Variants in SLC7A6 observed in about 807,000 individuals in gnomAD.
SLC7A6 encodes the protein solute carrier family 7 member 6.
SLC7A6 carries 29 observed loss-of-function variants against 46.6 expected under a neutral mutation model. The ratio of observed to expected loss-of-function variants is 0.62; its 90% CI spans 0.46 to 0.85. The LOEUF is 0.85. SLC7A6 is among the 40% of genes least tolerant of loss of function. The pLI is 0.00. For missense variants in SLC7A6, 527 were observed against 647.6 expected, an observed-to-expected ratio of 0.81 and a Z score of 2.02; for synonymous variants, 276 against 257.3, an observed-to-expected ratio of 1.07 and a Z score of -0.70.
chr16:68,290,968 C>G (rs1477466459), intron 5 of SLC7A6: 15 of 536,894 alleles, frequency 2.8e-5, no homozygotes, highest in Non-Finnish European at 5.0e-5. Flanking sequence ...TTATGAAACC[C>G]AGTAGGACCC....
chr16:68,281,523 T>C (rs1285287075), intron 3 of SLC7A6, among the ~76,000 whole-genome samples: 1 of 152,220 alleles, frequency 6.6e-6, no homozygotes, highest in African/African-American at 2.4e-5. Context: ...TCTGTTCATA[T>C]GTGTTCTGGG....
intron 5 of SLC7A6, chr16:68,290,755 T>TAGGGCCTTCCTAGAGGAG: frequency 1.7e-6 from 1 of 591,288 alleles, no homozygotes; most frequent in South Asian, 2.0e-5. Flanking sequence ...CACTGGAGGA[T>TAGGGCCTTCCTAGAGGAG]AGGGCCTTCC....
intron 7 of SLC7A6, chr16:68,292,252 C>T (rs1394990376): frequency 6.5e-6 from 1 of 152,980 alleles, no homozygotes; most frequent in Non-Finnish European, 1.5e-5. Flanking sequence ...CTCCTGATCT[C>T]CTCTGTGCAG....
At chr16:68,277,456 C>T (rs891887927) in intron 3 of SLC7A6, among the ~76,000 whole-genome samples, 2 of 151,000 alleles carry the variant, frequency 1.3e-5, no homozygotes, top group Non-Finnish European at 3.0e-5. Context: ...CTACAGTAGG[C>T]GCCCGCCACC....
chr16:68,299,408 G>T lies in SLC7A6; in HGVS notation c.*2080G>T, dbSNP rs573615088. On this transcript the variant is annotated 3_prime_UTR_variant, in exon 11 of 11. Coordinates refer to ENST00000219343, the MANE Select transcript of SLC7A6 (RefSeq NM_003983.6). ...GTCATCCTCCTTTCATTTTTGGATG[G>T]TGACAGCATTTTTCCCCTCTGTGCT... 6.6e-6 allele frequency: 1 copy of T among 152,656 alleles called. No individual in the cohort carries two copies. Among genetic ancestry groups the T allele is most frequent in the South Asian group, 2.1e-4 (1 of 4,824 alleles). The allele number at this position is 152,656 out of a possible 1,614,324, so 9.5% of individuals were successfully genotyped here. A position where few individuals can be genotyped will look rare whatever the true frequency, so the allele number is the denominator to read the frequency against.
In SLC7A6 at chr16:68,275,049, C is replaced by T. The variant is rs1164845383; in HGVS notation, c.323C>T (p.Ser108Leu). Reference protein sequence around the residue: ...YAELGTTITKSGASYAYILEA... With the variant: ...YAELGTTITKLGASYAYILEA... ...GAGCTGGGGACCACCATCACCAAGT[C>T]GGGAGCCAGCTACGCTTATATTCTA... is the stretch of plus-strand genomic sequence containing the variant. The change falls in exon 3 of 11, where the codon TCG (serine) becomes TTG (leucine). Residue 108 changes from serine (S) to leucine (L), a missense_variant. By Grantham distance (145) the Ser-to-Leu change is moderately radical (BLOSUM62 -2). Coordinates refer to ENST00000219343, the MANE Select transcript of SLC7A6 (RefSeq NM_003983.6). 7 of 1,614,046 alleles carry T rather than the reference C, an allele frequency of 4.3e-6. No homozygotes were observed. Among genetic ancestry groups the T allele is most frequent in the Admixed American group, 1.7e-5 (1 of 59,990 alleles).
chr16:68,268,467 G>C (rs2042570667), intron 2 of SLC7A6, among the ~76,000 whole-genome samples: 1 of 152,200 alleles, frequency 6.6e-6, no homozygotes, highest in African/African-American at 2.4e-5. Flanking sequence ...ATTCTCAATA[G>C]CATTTTTTCC....
chr16:68,280,316 C>G (rs959900087), intron 3 of SLC7A6, among the ~76,000 whole-genome samples: 3 of 152,186 alleles, frequency 2.0e-5, no homozygotes, highest in African/African-American at 7.2e-5. Context: ...CCACGCCATT[C>G]TAGACACTTC....
At chr16:68,272,567 G>A (rs2042639410) in intron 2 of SLC7A6, among the ~76,000 whole-genome samples, 1 of 152,186 alleles carries the variant, frequency 6.6e-6, no homozygotes, top group Non-Finnish European at 1.5e-5. Context: ...CAGGTGCTGC[G>A]ACTGAAATTC....
chr16:68,290,604 C>G (rs953100519), intron 5 of SLC7A6, 64 bp downstream of exon 5: 89 of 1,586,206 alleles, frequency 5.6e-5, no homozygotes, highest in Non-Finnish European at 7.6e-5. Flanking sequence ...AGTGGGCGTG[C>G]CTGCCCTCAT....
chr16:68,269,941 A>AT (rs565287723), intron 2 of SLC7A6, among the ~76,000 whole-genome samples: 6 of 151,034 alleles, frequency 4.0e-5, no homozygotes, highest in Non-Finnish European at 7.4e-5. Flanking sequence ...CTACTTTTTA[A>AT]TTTTTTTTTG....
In SLC7A6 at chr16:68,296,299, G is replaced by T. The variant is rs988609919; in HGVS notation, c.1120-65G>T. On this transcript the variant is annotated intron_variant, in intron 8 of 10. Coordinates refer to ENST00000219343, the MANE Select transcript of SLC7A6 (RefSeq NM_003983.6). ...TCAGATCTAGTACTGACTGCTGGGT[G>T]GGGGAGTCTCCTGGGGGCGCAGGTG... The T allele has an allele frequency of 3.8e-6, 6 of 1,585,492 alleles. No homozygotes were observed. In the African/African-American group the frequency reaches 5.4e-5, roughly 14 times the overall value.
chr16:68,297,028 C>T (rs2043185106), intron 10 of SLC7A6, among the ~76,000 whole-genome samples: 1 of 152,150 alleles, frequency 6.6e-6, no homozygotes, highest in African/African-American at 2.4e-5. Flanking sequence ...ACACAAATCA[C>T]CTGGGAAGAT....
Position 68,275,314 on chromosome 16 carries a change from G to C in SLC7A6, c.523+65G>C, listed in dbSNP as rs996049399. 2.3e-5 allele frequency: 35 copies of C among 1,553,788 alleles called. 1 individual carries two copies. The highest frequency in any genetic ancestry group is 1.9e-4 in the South Asian group (16 of 84,010). On this transcript the variant is annotated intron_variant, in intron 3 of 10. Coordinates refer to ENST00000219343, the MANE Select transcript of SLC7A6 (RefSeq NM_003983.6). ...GGGGTACTATAATAACGGTACTTTA[G>C]GCCGGGCGCGGTGGCTCATGCCTAT... is the stretch of plus-strand genomic sequence containing the variant.
Position 68,298,831 on chromosome 16 carries a change from A to G in SLC7A6, c.*1503A>G, listed in dbSNP as rs1328203855. ...TACAACTGTTTTGTGATGCCCCCAGACACTGTCATCCTGGGCCGAGAAGAA... is the reference window on the plus strand; with the variant it reads ...TACAACTGTTTTGTGATGCCCCCAGGCACTGTCATCCTGGGCCGAGAAGAA... On this transcript the variant is annotated 3_prime_UTR_variant, in exon 11 of 11. Transcript: ENST00000219343. The G allele has an allele frequency of 6.6e-6, 1 of 152,546 alleles. No homozygotes were observed. The allele number at this position is 152,546 out of a possible 1,614,324, so 9.4% of individuals were successfully genotyped here.
At chr16:68,268,081 CAAGT>C (rs2151212695) in intron 2 of SLC7A6, among the ~76,000 whole-genome samples, 1 of 152,272 alleles carries the variant, frequency 6.6e-6, no homozygotes, top group South Asian at 2.1e-4. Context: ...TTATAATATA[CAAGT>C]AAAGGTAAGT....
chr16:68,299,284 A>C lies in SLC7A6; in HGVS notation c.*1956A>C, dbSNP rs927634074. ...CAGCTTTAGCTTTCTCCACCAGATA[A>C]CCAGCTAATCCCAGGAATTTGCTGC... On this transcript the variant is annotated 3_prime_UTR_variant, in exon 11 of 11. Coordinates refer to ENST00000219343, the MANE Select transcript of SLC7A6 (RefSeq NM_003983.6). 5 of 152,644 alleles carry C rather than the reference A, an allele frequency of 3.3e-5. No individual in the cohort carries two copies. Among genetic ancestry groups the C allele is most frequent in the Non-Finnish European group, 5.9e-5 (4 of 68,054 alleles). 9.5% of individuals were successfully genotyped at this position (152,644 alleles called of 1,614,324 possible). A position where few individuals can be genotyped will look rare whatever the true frequency, so the allele number is the denominator to read the frequency against.
chr16:68,273,575 G>A (rs1329465974), intron 2 of SLC7A6, among the ~76,000 whole-genome samples: 6 of 152,106 alleles, frequency 3.9e-5, no homozygotes, highest in Non-Finnish European at 8.8e-5. Flanking sequence ...CAACATGAGG[G>A]GCATGCTGGG....
At chr16:68,291,535 C>T in intron 6 of SLC7A6, 23 bp from the exon 7 acceptor site, 1 of 1,611,826 alleles carries the variant, frequency 6.2e-7, no homozygotes, top group South Asian at 1.1e-5. Context: ...CGTTTAAGTG[C>T]CTTTTCTGTG....
Sources: allele counts gnomAD v4.1 joint callset (sites outside exome capture counted in the v4.1 genomes callset), GRCh38; gene constraint gnomAD v4.1.1; transcripts MANE v1.5; gene names NCBI Gene and HGNC (gene_info 2026-07-23, HGNC 2026-07-21).